INSL6: variants seen among roughly 807,000 people sequenced by gnomAD.
The protein encoded by INSL6 is insulin like 6.
In INSL6, 16 loss-of-function variants were observed where a neutral mutation model predicts 9.4. That is an observed-to-expected ratio of 1.70 (90% CI 1.15 to 2.59). The LOEUF (loss-of-function observed/expected upper bound fraction) is 2.59, where lower values mean the gene tolerates loss of function less well. Among genes scored for constraint, INSL6 ranks in the 30% most tolerant of loss-of-function variants. The probability of loss-of-function intolerance (pLI) is 0.00; values close to 1 mark genes in which losing one functional copy is unlikely to be tolerated. For missense variants in INSL6, 391 were observed against 257.3 expected (o/e 1.52, Z -3.56); for synonymous variants, 154 against 96.9 (o/e 1.59, Z -3.46).
chr9:5,135,831 A>G (rs983332579), intron 2 of INSL6, among the ~76,000 whole-genome samples: 7 of 152,130 alleles, frequency 4.6e-5, no homozygotes, highest in African/African-American at 1.7e-4. Context: ...CAATGAATCC[A>G]GGAGCTGGTT....
At chr9:5,032,957 G>T in the INSL6 span, among the ~76,000 whole-genome samples, 2 of 152,170 alleles carry the variant, frequency 1.3e-5, no homozygotes. Context: ...CAAGCTAAAG[G>T]AGGAAGTTTG....
the INSL6 span, chr9:5,100,888 T>C: frequency 6.6e-6 from 1 of 152,256 alleles, no homozygotes; most frequent in Non-Finnish European, 1.5e-5. Context: ...CACTATCTGC[T>C]TCCTCCGCCA....
the INSL6 span, among the ~76,000 whole-genome samples, chr9:4,999,220 T>C: frequency 6.6e-6 from 1 of 152,340 alleles, no homozygotes; most frequent in Non-Finnish European, 1.5e-5. Flanking sequence ...CCCTTAAATG[T>C]ATGGCTGTTC....
At chr9:5,054,824 A>T in the INSL6 span, 1 of 1,612,608 alleles carries the variant, frequency 6.2e-7, no homozygotes, top group Non-Finnish European at 8.5e-7. The surrounding 1 kb of genome is among the most constrained non-coding windows in gnomAD (Gnocchi z 4.9). Context: ...TAATAACTGG[A>T]AACGGTGGAA....
At chr9:5,122,496 A>G (rs1039398250), downstream of INSL6, among the ~76,000 whole-genome samples, 1 of 152,100 alleles carries the variant, frequency 6.6e-6, no homozygotes, top group Non-Finnish European at 1.5e-5. Context: ...CTTAGAAGGT[A>G]CTCTGCAGTT....
chr9:5,184,281 A>G lies in INSL6; in HGVS notation c.289+1033T>C, dbSNP rs568742118. Among the ~76,000 whole-genome samples the G allele has an allele frequency of 1.8e-4, 28 of 152,332 alleles. No homozygotes were observed. The South Asian group carries it at 5.6e-3, about 30-fold the overall frequency. The stretch of plus-strand genomic sequence containing the variant: ...AATTTCAGAAATCTTCACTTTTACA[A>G]GATTTGTCCAAATCAAATCAACTGA... On this transcript the variant is annotated intron_variant, in intron 1 of 1. Coordinates refer to ENST00000381641, the MANE Select transcript of INSL6 (RefSeq NM_007179.3).
At chr9:5,030,018 T>C in the INSL6 span, 3 of 800,300 alleles carry the variant, frequency 3.7e-6, no homozygotes, top group Non-Finnish European at 5.8e-6. Context: ...ACCAATTAGT[T>C]AGCACTCATT....
the INSL6 span, chr9:5,070,132 A>T: frequency 1.0e-6 from 1 of 990,970 alleles, no homozygotes; most frequent in Non-Finnish European, 1.4e-6. Flanking sequence ...TTCATGTGAC[A>T]TTGGAATTAT....
chr9:5,177,660 C>T (rs1239829228), intron 1 of INSL6, among the ~76,000 whole-genome samples: 1 of 152,190 alleles, frequency 6.6e-6, no homozygotes, highest in African/African-American at 2.4e-5. Context: ...AAATTAAGAC[C>T]TGATTTGGAA....
intron 1 of INSL6, among the ~76,000 whole-genome samples, chr9:5,175,560 G>A (rs1825280802): frequency 1.3e-5 from 2 of 152,174 alleles, no homozygotes. Context: ...TCTATGGCCT[G>A]TTAGGAACCA....
At chr9:5,066,931 G>C in the INSL6 span, 619 of 384,110 alleles carry the variant, frequency 1.6e-3, 1 homozygote, top group Non-Finnish European at 2.1e-3. Context: ...AATTTCCTCA[G>C]AGATTCTGTA....
At chr9:5,037,535 T>G in the INSL6 span, among the ~76,000 whole-genome samples, 1 of 152,078 alleles carries the variant, frequency 6.6e-6, no homozygotes, top group Non-Finnish European at 1.5e-5. Context: ...CCATGAAAAA[T>G]GATGAGTTCA....
chr9:5,167,122 G>C (rs1157838734), intron 1 of INSL6, among the ~76,000 whole-genome samples: 8 of 152,176 alleles, frequency 5.3e-5, no homozygotes, highest in Non-Finnish European at 1.2e-4. Flanking sequence ...AAGCACAGTG[G>C]AGCTAGGGCC....
downstream of INSL6, among the ~76,000 whole-genome samples, chr9:5,160,170 C>T (rs1352662232): frequency 8.2e-6 from 1 of 122,312 alleles, no homozygotes; most frequent in African/African-American, 3.4e-5. Context: ...GAGTAAAACT[C>T]GGTCTCAAAA....
intron 3 of INSL6, among the ~76,000 whole-genome samples, chr9:5,129,590 C>G (rs1269861662): frequency 6.6e-6 from 1 of 151,904 alleles, no homozygotes; most frequent in African/African-American, 2.4e-5. Context: ...GCAGGATTAT[C>G]CAAACAAAAG....
chr9:5,019,887 G>A, the INSL6 span, among the ~76,000 whole-genome samples: 2 of 152,324 alleles, frequency 1.3e-5, no homozygotes, highest in African/African-American at 2.4e-5. Context: ...TGGGGATGGT[G>A]ACACCAGCTG....
rs375458515 is a variant in INSL6 at position 5,174,268 on chromosome 9, T to C, written c.290-10003A>G. ...CATCGTATCTATTTTCTCTTTTCTGTAACAAAACTCCTTGATAGAGTTTTC... is the reference window on the plus strand; with the variant it reads ...CATCGTATCTATTTTCTCTTTTCTGCAACAAAACTCCTTGATAGAGTTTTC... On this transcript the variant is annotated intron_variant, in intron 1 of 1. Transcript: ENST00000381641. 1.7e-4 allele frequency among the ~76,000 whole-genome samples: 26 copies of C among 152,326 alleles called. No homozygotes were observed. The East Asian group carries it at 3.9e-3, about 23-fold the overall frequency.
At chr9:5,052,465 C>T in the INSL6 span, among the ~76,000 whole-genome samples, 1 of 151,438 alleles carries the variant, frequency 6.6e-6, no homozygotes, top group East Asian at 1.9e-4. Flanking sequence ...ATATAAGATT[C>T]CATGATATTT....
intron 1 of INSL6, among the ~76,000 whole-genome samples, chr9:5,176,848 G>C (rs1459177011): frequency 6.6e-6 from 1 of 151,932 alleles, no homozygotes; most frequent in African/African-American, 2.4e-5. Context: ...GCTGGATAAA[G>C]ATCAACCTAT....
Sources: allele counts gnomAD v4.1 joint callset (sites outside exome capture counted in the v4.1 genomes callset), GRCh38; gene constraint gnomAD v4.1.1; non-coding constraint Gnocchi (gnomAD v3.1); transcripts MANE v1.5; gene names NCBI Gene and HGNC (gene_info 2026-07-23, HGNC 2026-07-21).